NUDT3: variants seen among roughly 807,000 people sequenced by gnomAD.
NUDT3 encodes the protein nudix hydrolase 3, also known as diphosphoinositol polyphosphate phosphohydrolase 1.
NUDT3 carries 9 observed loss-of-function variants against 23.6 expected under a neutral mutation model. The ratio of observed to expected loss-of-function variants is 0.38; its 90% CI spans 0.23 to 0.66. The LOEUF (loss-of-function observed/expected upper bound fraction) is 0.66, where lower values mean the gene tolerates loss of function less well. Among genes scored for constraint, NUDT3 ranks in the 30% least tolerant of loss-of-function variants. The pLI is 0.52. For synonymous variants in NUDT3, 86 were observed against 82.6 expected (o/e 1.04, Z -0.22); for missense variants, 172 against 218.5 (o/e 0.79, Z 1.34).
chr6:34,305,202 G>A (rs191113139), intron 2 of NUDT3, among the ~76,000 whole-genome samples: 21 of 151,778 alleles, frequency 1.4e-4, no homozygotes, highest in African/African-American at 5.1e-4. Flanking sequence ...GGCTGGTCTC[G>A]AACTCCTGAC....
At chr6:34,327,214 G>A (rs369229708) in intron 2 of NUDT3, among the ~76,000 whole-genome samples, 10 of 152,176 alleles carry the variant, frequency 6.6e-5, no homozygotes, top group South Asian at 2.1e-4. Flanking sequence ...ATACGTCAGC[G>A]TTTTCTTCTA....
chr6:34,377,846 A>G (rs1764950214), intron 1 of NUDT3, among the ~76,000 whole-genome samples: 1 of 152,028 alleles, frequency 6.6e-6, no homozygotes, highest in Non-Finnish European at 1.5e-5. Context: ...AAAAAAAAAA[A>G]AAGTGTGGAG....
At chr6:34,322,435 T>G (rs539162878) in intron 2 of NUDT3, among the ~76,000 whole-genome samples, 2 of 151,526 alleles carry the variant, frequency 1.3e-5, no homozygotes, top group East Asian at 1.9e-4. Flanking sequence ...TTCACTGTGT[T>G]AGCCAGGATG....
chr6:34,321,616 C>G (rs1763943720), intron 2 of NUDT3, among the ~76,000 whole-genome samples: 1 of 152,106 alleles, frequency 6.6e-6, no homozygotes, highest in South Asian at 2.1e-4. Context: ...TATTTCTTCT[C>G]TGCTTAGAAG....
At position 34,319,017 on chromosome 6, in the gene NUDT3, T is replaced by C. The variant is rs1361875600; in HGVS notation, c.210+22845A>G. On this transcript the variant is annotated intron_variant, in intron 2 of 4. Coordinates refer to ENST00000607016, the MANE Select transcript of NUDT3 (RefSeq NM_006703.4). ...CAAGAGAGGAGAGATAGGGCTTTTC[T>C]AGGAAAACAGAGCTGGGACAGTAAA... 2.7e-5 allele frequency among the ~76,000 whole-genome samples: 4 copies of C among 150,172 alleles called. No homozygotes were observed. In the East Asian group the frequency reaches 7.9e-4, roughly 30 times the overall value.
rs963655593 is a variant in NUDT3 at position 34,287,960 on chromosome 6, TAA to T, written c.*791_*792del. ...GCTTGGTTAAAAAAAAATAAAAAAA[TAA>T]AAAAAGGTTTCTTCCTGTTTCTTTC... On this transcript the variant is annotated 3_prime_UTR_variant, in exon 5 of 5. Transcript: ENST00000607016. 4 of 151,764 alleles carry T rather than the reference TAA, an allele frequency of 2.6e-5. No homozygotes were observed. Among genetic ancestry groups the T allele is most frequent in the African/African-American group, 9.7e-5 (4 of 41,292 alleles). 9.4% of individuals were successfully genotyped at this position (151,764 alleles called of 1,614,324 possible).
chr6:34,341,805 G>T, intron 2 of NUDT3, 57 bp downstream of exon 2: 1 of 1,513,022 alleles, frequency 6.6e-7, no homozygotes, highest in Non-Finnish European at 9.1e-7. Context: ...GAACTACACA[G>T]ATAGGACAGG....
intron 1 of NUDT3, among the ~76,000 whole-genome samples, chr6:34,376,898 T>C (rs1764931982): frequency 6.6e-6 from 1 of 152,136 alleles, no homozygotes; most frequent in Non-Finnish European, 1.5e-5. Context: ...ATCAATACCC[T>C]GCCACACCAC....
At chr6:34,352,171 T>C (rs1222098652) in intron 1 of NUDT3, among the ~76,000 whole-genome samples, 2 of 152,178 alleles carry the variant, frequency 1.3e-5, no homozygotes, top group African/African-American at 4.8e-5. Flanking sequence ...TTTTATTATA[T>C]CATTATTTTT....
chr6:34,361,945 T>C (rs1287908362), intron 1 of NUDT3, among the ~76,000 whole-genome samples: 2 of 152,134 alleles, frequency 1.3e-5, no homozygotes, highest in Non-Finnish European at 2.9e-5. Context: ...GTCCAATCCA[T>C]AGGAAGTACA....
intron 1 of NUDT3, among the ~76,000 whole-genome samples, chr6:34,377,554 C>G (rs1764944746): frequency 6.6e-6 from 1 of 152,104 alleles, no homozygotes; most frequent in African/African-American, 2.4e-5. Flanking sequence ...GTGGAGAGGG[C>G]AGGGCACAGT....
intron 1 of NUDT3, among the ~76,000 whole-genome samples, chr6:34,363,713 C>T (rs1764682866): frequency 6.6e-6 from 1 of 152,164 alleles, no homozygotes; most frequent in African/African-American, 2.4e-5. Context: ...TCCTCCTACC[C>T]CCACAATCAT....
intron 2 of NUDT3, among the ~76,000 whole-genome samples, chr6:34,300,327 T>A (rs907725221): frequency 6.6e-6 from 1 of 152,164 alleles, no homozygotes; most frequent in Non-Finnish European, 1.5e-5. Flanking sequence ...TGACCGACAA[T>A]GAGGTTTGCC....
intron 2 of NUDT3, among the ~76,000 whole-genome samples, chr6:34,321,777 C>T (rs1321864959): frequency 2.0e-5 from 3 of 152,048 alleles, no homozygotes; most frequent in African/African-American, 7.3e-5. Flanking sequence ...CACAGCATAC[C>T]TATGTGCAAC....
At chr6:34,343,668 G>T (rs1764322401) in intron 1 of NUDT3, among the ~76,000 whole-genome samples, 1 of 152,104 alleles carries the variant, frequency 6.6e-6, no homozygotes, top group Non-Finnish European at 1.5e-5. Flanking sequence ...AAAATGTCAT[G>T]ATCTTGAATT....
chr6:34,385,748 C>T (rs1373964797), intron 1 of NUDT3, among the ~76,000 whole-genome samples: 1 of 150,700 alleles, frequency 6.6e-6, no homozygotes, highest in Non-Finnish European at 1.5e-5. Flanking sequence ...CAGTGGCGTG[C>T]TGTTGGCTCA....
rs539749859 is a variant in NUDT3 at position 34,371,818 on chromosome 6, C to T, written c.99+20446G>A. Among the ~76,000 whole-genome samples the T allele has an allele frequency of 1.2e-4, 18 of 152,242 alleles. No homozygotes were observed. The South Asian group carries it at 3.5e-3, about 30-fold the overall frequency. ...CGTGCAGGTTTGTTACATACGTATA[C>T]ATGTGCCATGTTGGTGTGCTGCACC... On this transcript the variant is annotated intron_variant, in intron 1 of 4. Transcript: ENST00000607016.
chr6:34,341,184 T>C (rs1055526372), intron 2 of NUDT3, among the ~76,000 whole-genome samples: 1 of 152,176 alleles, frequency 6.6e-6, no homozygotes, highest in Non-Finnish European at 1.5e-5. Context: ...CAAGAGGCTA[T>C]GGAAAAATAA....
At chr6:34,359,801 G>T (rs1165169086) in intron 1 of NUDT3, among the ~76,000 whole-genome samples, 2 of 152,024 alleles carry the variant, frequency 1.3e-5, no homozygotes, top group Non-Finnish European at 2.9e-5. Context: ...GAAACTGCTG[G>T]ATCAAACATA....
Sources: gnomAD v4.1 joint callset for allele counts (sites outside exome capture counted in the v4.1 genomes callset) on GRCh38, gnomAD v4.1.1 for gene constraint, MANE v1.5 for transcripts, NCBI Gene and HGNC (gene_info 2026-07-23, HGNC 2026-07-21) for gene names.